The following C10orf67 variants were observed in gnomAD, a reference collection of about 807,000 sequenced individuals.
C10orf67 encodes the protein uncharacterized protein C10orf67, mitochondrial.
In C10orf67, 60 loss-of-function variants were observed where a neutral mutation model predicts 35.6. That is an observed-to-expected ratio of 1.68 (90% confidence interval 1.37 to 2.09). The LOEUF (loss-of-function observed/expected upper bound fraction) is 2.09, where lower values mean the gene tolerates loss of function less well. C10orf67 is among the 30% of genes most tolerant of loss of function. The pLI is 0.00. For missense variants in C10orf67, 474 were observed against 330.2 expected, an observed-to-expected ratio of 1.44 and a Z score of -3.38; for synonymous variants, 167 against 115.8, an observed-to-expected ratio of 1.44 and a Z score of -2.84.
At chr10:23,207,496 G>A (rs942970842) in intron 15 of C10orf67, among the ~76,000 whole-genome samples, 1 of 152,188 alleles carries the variant, frequency 6.6e-6, no homozygotes, top group Non-Finnish European at 1.5e-5. Flanking sequence ...CCATCAAAGA[G>A]ATAGTTACCG....
Position 23,333,169 on chromosome 10 carries a change from C to G in C10orf67, c.220G>C (p.Asp74His), listed in dbSNP as rs1195802675. Residue 74 changes from aspartate (D) to histidine (H), a missense_variant, in exon 2 of 16, where the codon GAT becomes CAT. Asp to His is a moderately conservative substitution (Grantham distance 81). Coordinates refer to ENST00000636213, the MANE Select transcript of C10orf67 (RefSeq NM_001371909.1). ...MRGSTRLNIS[D>H]DLKIGFFSTD... ...CTGAAAAAGCCAATCTTTAAATCAT[C>G]TGAAATGTTAAGTCTGAAAACAAAG... 6 of 1,603,606 alleles carry G rather than the reference C, an allele frequency of 3.7e-6. No individual in the cohort carries two copies. The East Asian group carries it at 1.1e-4, about 30-fold the overall frequency.
At chr10:23,265,384 T>C (rs1361243612) in intron 10 of C10orf67, among the ~76,000 whole-genome samples, 2 of 152,196 alleles carry the variant, frequency 1.3e-5, no homozygotes, top group Admixed American at 6.5e-5. Context: ...AATTCTGCCC[T>C]GTGTAGGAGA....
chr10:23,300,334 C>T (rs2132279481), intron 5 of C10orf67, among the ~76,000 whole-genome samples: 1 of 152,264 alleles, frequency 6.6e-6, no homozygotes, highest in East Asian at 1.9e-4. Context: ...TTTCCAGAGC[C>T]TCCAAAGTCC....
intron 12 of C10orf67, among the ~76,000 whole-genome samples, chr10:23,247,744 T>C (rs1398597241): frequency 6.6e-6 from 1 of 152,198 alleles, no homozygotes; most frequent in Non-Finnish European, 1.5e-5. Context: ...TATGACAAAT[T>C]GAATGTTATT....
intron 15 of C10orf67, among the ~76,000 whole-genome samples, chr10:23,206,858 C>T (rs1841170955): frequency 6.6e-6 from 1 of 152,074 alleles, no homozygotes; most frequent in African/African-American, 2.4e-5. Flanking sequence ...GTTTCTAGCT[C>T]TTTCTGTGGA....
intron 10 of C10orf67, among the ~76,000 whole-genome samples, chr10:23,253,711 T>G (rs1277116526): frequency 6.6e-6 from 1 of 152,220 alleles, no homozygotes; most frequent in African/African-American, 2.4e-5. Context: ...TTAGTTTCAA[T>G]TTTTAAGGCT....
chr10:23,269,651 A>T (rs1842968044), intron 8 of C10orf67, among the ~76,000 whole-genome samples: 1 of 152,158 alleles, frequency 6.6e-6, no homozygotes, highest in South Asian at 2.1e-4. Flanking sequence ...CAAGAGAAGC[A>T]CTTAAATATA....
At chr10:23,317,662 G>A (rs976892371) in intron 4 of C10orf67, 1 of 152,144 alleles carries the variant, frequency 6.6e-6, no homozygotes, top group Non-Finnish European at 1.5e-5. Context: ...AAGCCCCAAA[G>A]AGTCTATAGA....
chr10:23,228,735 T>C (rs559725807), intron 13 of C10orf67, among the ~76,000 whole-genome samples: 1 of 152,032 alleles, frequency 6.6e-6, no homozygotes, highest in Non-Finnish European at 1.5e-5. Context: ...CTCAAACAAA[T>C]TTACAAGAAA....
intron 10 of C10orf67, among the ~76,000 whole-genome samples, chr10:23,250,902 G>T (rs146547940): frequency 6.6e-6 from 1 of 152,006 alleles, no homozygotes; most frequent in African/African-American, 2.4e-5. Context: ...GTTTGAGACC[G>T]GTCTGGGCAA....
intron 15 of C10orf67, among the ~76,000 whole-genome samples, chr10:23,210,846 A>G (rs1053620961): frequency 6.6e-6 from 1 of 152,200 alleles, no homozygotes. Flanking sequence ...TGAAGCTTCA[A>G]AGAAGTAGCT....
At chr10:23,298,374 C>G (rs886996979) in intron 5 of C10orf67, among the ~76,000 whole-genome samples, 13 of 152,158 alleles carry the variant, frequency 8.5e-5, no homozygotes, top group Non-Finnish European at 1.8e-4. Flanking sequence ...TGTGAGGACT[C>G]CTAGAGCTAT....
At chr10:23,312,478 G>A (rs941678585) in intron 4 of C10orf67, among the ~76,000 whole-genome samples, 1 of 152,116 alleles carries the variant, frequency 6.6e-6, no homozygotes, top group Non-Finnish European at 1.5e-5. Flanking sequence ...CTGCCCTGGA[G>A]TTGGCTACTC....
At chr10:23,259,547 G>A (rs975486794) in intron 10 of C10orf67, among the ~76,000 whole-genome samples, 3 of 152,100 alleles carry the variant, frequency 2.0e-5, no homozygotes, top group Non-Finnish European at 2.9e-5. Flanking sequence ...CTATCGTTGG[G>A]AGACAAAGCA....
intron 15 of C10orf67, among the ~76,000 whole-genome samples, chr10:23,218,913 A>G (rs1841504078): frequency 2.0e-5 from 3 of 152,200 alleles, no homozygotes; most frequent in Admixed American, 2.0e-4. Context: ...ATATAAAACA[A>G]TGTTAACACG....
At chr10:23,278,022 A>T (rs531800395) in intron 8 of C10orf67, among the ~76,000 whole-genome samples, 75 of 152,284 alleles carry the variant, frequency 4.9e-4, no homozygotes, top group African/African-American at 1.8e-3. Context: ...TTTTTAAATG[A>T]CCAGAACTCA....
intron 10 of C10orf67, among the ~76,000 whole-genome samples, chr10:23,262,874 A>G (rs1485610009): frequency 6.6e-6 from 1 of 152,238 alleles, no homozygotes; most frequent in Admixed American, 6.5e-5. Context: ...CAGAATCTAA[A>G]GATTAATTCA....
intron 4 of C10orf67, among the ~76,000 whole-genome samples, chr10:23,309,360 C>T (rs763093731): frequency 9.2e-5 from 14 of 151,966 alleles, no homozygotes; most frequent in East Asian, 1.9e-4. Context: ...AACATAAGGA[C>T]GAAAATAATG....
chr10:23,225,709 G>A (rs1841717072), intron 13 of C10orf67, among the ~76,000 whole-genome samples: 1 of 152,036 alleles, frequency 6.6e-6, no homozygotes, highest in African/African-American at 2.4e-5. Context: ...AAAAAGGCAA[G>A]GGTTGCAATC....
Sources: gnomAD v4.1 joint callset for allele counts (sites outside exome capture counted in the v4.1 genomes callset) on GRCh38, gnomAD v4.1.1 for gene constraint, MANE v1.5 for transcripts, NCBI Gene and HGNC (gene_info 2026-07-23, HGNC 2026-07-21) for gene names.